MAPK14: variants seen among roughly 807,000 people sequenced by gnomAD.
MAPK14 encodes the protein mitogen-activated protein kinase 14, also known as CSAID-binding protein.
In MAPK14, 16 loss-of-function variants were observed where a neutral mutation model predicts 49.6. The ratio of observed to expected loss-of-function variants is 0.32; its 90% CI spans 0.22 to 0.49. The LOEUF (loss-of-function observed/expected upper bound fraction) is 0.49. Ranked by LOEUF, MAPK14 falls within the 20% of genes least tolerant of loss-of-function variation. The probability of loss-of-function intolerance (pLI) is 0.99; values close to 1 mark genes in which losing one functional copy is unlikely to be tolerated. For synonymous variants in MAPK14, 142 were observed against 158.0 expected (o/e 0.90, Z 0.76); for missense variants, 200 against 441.2 (o/e 0.45, Z 4.90).
At chr6:36,034,897 CTTTTTTTT>C (rs200316205) in intron 1 of MAPK14, among the ~76,000 whole-genome samples, 17 of 121,040 alleles carry the variant, frequency 1.4e-4, no homozygotes, top group Non-Finnish European at 1.5e-4. Flanking sequence ...TTCTTTCTTT[CTTTTTTTT>C]TTTTTTTTTT....
At chr6:36,032,116 A>C (rs1762568362) in intron 1 of MAPK14, among the ~76,000 whole-genome samples, 1 of 152,134 alleles carries the variant, frequency 6.6e-6, no homozygotes, top group Non-Finnish European at 1.5e-5. Flanking sequence ...AAATAAATGA[A>C]TAGAATATTT....
At chr6:36,061,499 A>T (rs544679960) in intron 3 of MAPK14, among the ~76,000 whole-genome samples, 3 of 152,250 alleles carry the variant, frequency 2.0e-5, no homozygotes, top group Admixed American at 2.0e-4. Flanking sequence ...TTCAATAAAT[A>T]CTATGGCTGT....
At chr6:36,067,331 C>A (rs1043527063) in intron 3 of MAPK14, among the ~76,000 whole-genome samples, 1 of 152,186 alleles carries the variant, frequency 6.6e-6, no homozygotes, top group Non-Finnish European at 1.5e-5. Context: ...TGTTCTCCAT[C>A]ACCGTATGTC....
intron 1 of MAPK14, among the ~76,000 whole-genome samples, chr6:36,033,009 C>T (rs1313502017): frequency 2.0e-5 from 3 of 149,888 alleles, no homozygotes; most frequent in African/African-American, 4.9e-5. Flanking sequence ...TAGAATGAGC[C>T]AGGGCACAAA....
intron 8 of MAPK14, among the ~76,000 whole-genome samples, chr6:36,094,230 G>A (rs556908255): frequency 1.6e-4 from 24 of 152,296 alleles, no homozygotes; most frequent in African/African-American, 4.8e-4. Flanking sequence ...GAAATAATGT[G>A]AGTGGACTTG....
intron 1 of MAPK14, among the ~76,000 whole-genome samples, chr6:36,038,407 G>T (rs1762831905): frequency 6.6e-6 from 1 of 152,170 alleles, no homozygotes; most frequent in Non-Finnish European, 1.5e-5. Flanking sequence ...GAGGGTTGCA[G>T]ATATGCAGGG....
At chr6:36,058,615 G>T (rs1011018445) in intron 2 of MAPK14, among the ~76,000 whole-genome samples, 7 of 152,134 alleles carry the variant, frequency 4.6e-5, no homozygotes, top group African/African-American at 1.7e-4. Flanking sequence ...TGATTGAGAC[G>T]TGGCTGGCCG....
chr6:36,074,560 T>C (rs1212592007), intron 6 of MAPK14, among the ~76,000 whole-genome samples: 1 of 152,184 alleles, frequency 6.6e-6, no homozygotes, highest in Non-Finnish European at 1.5e-5. Flanking sequence ...ATGCACCATT[T>C]CATTTGGCAA....
intron 3 of MAPK14, 84 bp from the exon 4 acceptor site, chr6:36,072,789 A>C (rs1040852783): frequency 5.1e-6 from 4 of 783,934 alleles, no homozygotes; most frequent in Non-Finnish European, 6.2e-6. Flanking sequence ...AACCAAAAAA[A>C]CCAAAAAACT....
intron 1 of MAPK14, among the ~76,000 whole-genome samples, chr6:36,045,619 T>C (rs1240794335): frequency 6.6e-6 from 1 of 151,796 alleles, no homozygotes; most frequent in Non-Finnish European, 1.5e-5. Flanking sequence ...CCATCCTGGC[T>C]AACACGGTGA....
chr6:36,031,311 G>C (rs953250185), intron 1 of MAPK14, among the ~76,000 whole-genome samples: 1 of 152,128 alleles, frequency 6.6e-6, no homozygotes, highest in East Asian at 1.9e-4. Flanking sequence ...ACGGTGCCCA[G>C]CCTGAAGTTG....
intron 3 of MAPK14, among the ~76,000 whole-genome samples, chr6:36,066,723 G>C (rs982706617): frequency 6.6e-6 from 1 of 151,580 alleles, no homozygotes; most frequent in Non-Finnish European, 1.5e-5. Context: ...GATAAAAATT[G>C]TGCATTGATG....
At chr6:36,064,277 C>CT (rs1554181541) in intron 3 of MAPK14, among the ~76,000 whole-genome samples, 3 of 125,758 alleles carry the variant, frequency 2.4e-5, no homozygotes, top group East Asian at 3.0e-4. Flanking sequence ...CATGCCCCCC[C>CT]CCACCCCTTT....
intron 8 of MAPK14, among the ~76,000 whole-genome samples, chr6:36,080,120 T>G (rs1764693374): frequency 6.6e-6 from 1 of 152,096 alleles, no homozygotes; most frequent in Non-Finnish European, 1.5e-5. Context: ...GTATTTTTAG[T>G]AGAGACAGGG....
chr6:36,095,573 C>T (rs1398570295), intron 8 of MAPK14, among the ~76,000 whole-genome samples: 1 of 152,108 alleles, frequency 6.6e-6, no homozygotes, highest in African/African-American at 2.4e-5. Context: ...TATCTGTGGC[C>T]CTCTAATTAT....
At chr6:36,073,970 A>T in intron 5 of MAPK14, 79 bp from the exon 6 acceptor site, 1 of 1,085,740 alleles carries the variant, frequency 9.2e-7, no homozygotes, top group Admixed American at 1.8e-5. Flanking sequence ...TTATGTCTGG[A>T]TCCTCATTAT....
At chr6:36,033,836 C>T (rs1274536653) in intron 1 of MAPK14, among the ~76,000 whole-genome samples, 1 of 152,102 alleles carries the variant, frequency 6.6e-6, no homozygotes, top group South Asian at 2.1e-4. Context: ...GGTAGATCAC[C>T]CTCACTTTAG....
In MAPK14 at chr6:36,107,702, C is replaced by A; in HGVS notation, c.1015+74C>A. On this transcript the variant is annotated intron_variant, in intron 11 of 11. Coordinates refer to ENST00000229794, the MANE Select transcript of MAPK14 (RefSeq NM_139012.3). This position sits in a 1 kb window ranked among gnomAD's most constrained non-coding sequence, Gnocchi z 4.3. Reference sequence around the variant, plus strand: ...GTGGGAAAAATAAAAACTGAATGGTCATAACCAACTTGCTAAAGCTTGTAG... The same window carrying A: ...GTGGGAAAAATAAAAACTGAATGGTAATAACCAACTTGCTAAAGCTTGTAG... 2.7e-6 allele frequency: 3 copies of A among 1,126,650 alleles called. No individual in the cohort carries two copies. The highest frequency in any genetic ancestry group is 4.0e-5 in the South Asian group (2 of 50,376). 69.8% of individuals were successfully genotyped at this position (1,126,650 alleles called of 1,614,324 possible).
At chr6:36,064,217 A>G (rs1159195492) in intron 3 of MAPK14, among the ~76,000 whole-genome samples, 1 of 151,390 alleles carries the variant, frequency 6.6e-6, no homozygotes, top group East Asian at 1.9e-4. Context: ...GACTCAAGCA[A>G]TCCCCCAACC....
Sources: allele counts gnomAD v4.1 joint callset (sites outside exome capture counted in the v4.1 genomes callset), GRCh38; gene constraint gnomAD v4.1.1; non-coding constraint Gnocchi (gnomAD v3.1); transcripts MANE v1.5; gene names NCBI Gene and HGNC (gene_info 2026-07-23, HGNC 2026-07-21).